Variants in PCDHGA12 observed in about 807,000 individuals in gnomAD.
PCDHGA12 encodes protocadherin gamma-A12.
PCDHGA12 carries 43 observed loss-of-function variants against 61.1 expected under a neutral mutation model. That is an observed-to-expected ratio of 0.70 (90% CI 0.55 to 0.91). The LOEUF is 0.91. Among genes scored for constraint, PCDHGA12 ranks in the 40% least tolerant of loss-of-function variants. The pLI, the probability that PCDHGA12 is intolerant of heterozygous loss-of-function variation, is 0.00. For missense variants in PCDHGA12, 1,236 were observed against 1,227.7 expected (o/e 1.01, Z -0.10); for synonymous variants, 520 against 542.9 (o/e 0.96, Z 0.59).
chr5:141,450,846 A>C (rs2098698903), intron 1 of PCDHGA12, among the ~76,000 whole-genome samples: 1 of 115,730 alleles, frequency 8.6e-6, no homozygotes. Context: ...TTTTTTTGAG[A>C]TGGGGTCTTG....
intron 1 of PCDHGA12, among the ~76,000 whole-genome samples, chr5:141,469,600 T>C (rs1276702104): frequency 6.6e-6 from 1 of 151,974 alleles, no homozygotes; most frequent in Non-Finnish European, 1.5e-5. Flanking sequence ...TAAAACAAAA[T>C]AAGTAAAATA....
At chr5:141,509,887 T>C (rs138950510) in intron 3 of PCDHGA12, among the ~76,000 whole-genome samples, 1 of 152,314 alleles carries the variant, frequency 6.6e-6, no homozygotes, top group East Asian at 1.9e-4. Flanking sequence ...TGATGGTGAC[T>C]GACTGTCCCT....
At chr5:141,448,415 T>C (rs1286455437) in intron 1 of PCDHGA12, among the ~76,000 whole-genome samples, 2 of 152,158 alleles carry the variant, frequency 1.3e-5, no homozygotes, top group African/African-American at 2.4e-5. Context: ...ATCAAAACAA[T>C]ATACTATGTA....
At chr5:141,495,286 A>T (rs1341490472) in intron 2 of PCDHGA12, among the ~76,000 whole-genome samples, 2 of 152,088 alleles carry the variant, frequency 1.3e-5, no homozygotes, top group Non-Finnish European at 2.9e-5. Context: ...GGCGGTCCGC[A>T]CTCAGCGCCT....
chr5:141,480,429 T>C (rs72790066), intron 1 of PCDHGA12, among the ~76,000 whole-genome samples: 4 of 151,864 alleles, frequency 2.6e-5, no homozygotes, highest in African/African-American at 9.7e-5. Flanking sequence ...AAAAAAATTA[T>C]CAGCTATTAC....
In PCDHGA12 at chr5:141,486,828, G is replaced by T. The variant is rs140257646; in HGVS notation, c.2425-7979G>T. ...CCCCTTAGCAGCACTGTAACAGTTC[G>T]TCTATTTGTGCTGGACCTCAATGAC... On this transcript the variant is annotated intron_variant, in intron 1 of 3. Coordinates refer to ENST00000252085, the MANE Select transcript of PCDHGA12 (RefSeq NM_003735.3). This position sits in a 1 kb window ranked among gnomAD's most constrained non-coding sequence, Gnocchi z 5.0. The T allele has an allele frequency of 8.7e-6, 14 of 1,614,218 alleles. No homozygotes were observed. The highest frequency in any genetic ancestry group is 1.2e-5 in the Non-Finnish European group (14 of 1,180,042).
chr5:141,446,639 G>T (rs1461520959), intron 1 of PCDHGA12, among the ~76,000 whole-genome samples: 7 of 152,116 alleles, frequency 4.6e-5, no homozygotes, highest in Non-Finnish European at 8.8e-5. Flanking sequence ...ACCACGCCTG[G>T]CTAATTTTTG....
chr5:141,468,832 C>G (rs530307522), intron 1 of PCDHGA12, among the ~76,000 whole-genome samples: 1 of 152,164 alleles, frequency 6.6e-6, no homozygotes, highest in South Asian at 2.1e-4. Flanking sequence ...AGCCACTGCA[C>G]TCCAGCCTGG....
At position 141,511,256 on chromosome 5, in the gene PCDHGA12, T is replaced by C. The variant is rs1003866304; in HGVS notation, c.*83T>C. On this transcript the variant is annotated 3_prime_UTR_variant, in exon 4 of 4. Transcript: ENST00000252085. ...CTTACCTGCACCCAGGCCTCAGAGT[T>C]TCAGGGCTAACCCCCAGAATACTGG... The C allele has an allele frequency of 1.9e-6, 3 of 1,563,388 alleles. No homozygotes were observed. The highest frequency in any genetic ancestry group is 2.7e-5 in the African/African-American group (2 of 73,508).
chr5:141,445,137 T>C (rs933188032), intron 1 of PCDHGA12, among the ~76,000 whole-genome samples: 9 of 152,248 alleles, frequency 5.9e-5, no homozygotes, highest in Admixed American at 3.3e-4. Context: ...AAATTGTATC[T>C]TCTAATTGTT....
chr5:141,439,459 A>T (rs558086952), intron 1 of PCDHGA12, among the ~76,000 whole-genome samples: 1 of 152,340 alleles, frequency 6.6e-6, no homozygotes, highest in African/African-American at 2.4e-5. Flanking sequence ...GCAAGACTGC[A>T]CTGCTGCCTT....
At chr5:141,501,869 C>G (rs1595765055) in intron 2 of PCDHGA12, among the ~76,000 whole-genome samples, 1 of 152,130 alleles carries the variant, frequency 6.6e-6, no homozygotes, top group Non-Finnish European at 1.5e-5. Context: ...CCCAGGACGC[C>G]TCCTTACACT....
At chr5:141,499,557 C>G (rs972965979) in intron 2 of PCDHGA12, among the ~76,000 whole-genome samples, 1 of 152,192 alleles carries the variant, frequency 6.6e-6, no homozygotes, top group African/African-American at 2.4e-5. Context: ...TATGATACCA[C>G]TATCCAGCTT....
At chr5:141,435,050 C>A (rs2154556494) in intron 1 of PCDHGA12, among the ~76,000 whole-genome samples, 1 of 151,994 alleles carries the variant, frequency 6.6e-6, no homozygotes, top group East Asian at 1.9e-4. Flanking sequence ...TCCCATTGAC[C>A]ATGCAGCAGT....
At chr5:141,478,497 C>T in intron 1 of PCDHGA12, 1 of 1,612,820 alleles carries the variant, frequency 6.2e-7, no homozygotes, top group Non-Finnish European at 8.5e-7. Context: ...AGCTGTGATC[C>T]GGTGTTCTAT....
At chr5:141,446,447 A>G (rs2098502204) in intron 1 of PCDHGA12, among the ~76,000 whole-genome samples, 1 of 151,946 alleles carries the variant, frequency 6.6e-6, no homozygotes, top group Non-Finnish European at 1.5e-5. Context: ...AACAGTGCAG[A>G]TATTCAGTGT....
Position 141,489,263 on chromosome 5 carries a change from A to G in PCDHGA12, c.2425-5544A>G. The G allele has an allele frequency of 6.4e-7, 1 of 1,552,104 alleles. No homozygotes were observed. Among genetic ancestry groups the G allele is most frequent in the South Asian group, 1.3e-5 (1 of 79,626 alleles). On this transcript the variant is annotated intron_variant, in intron 1 of 3. Transcript: ENST00000252085. This position sits in a 1 kb window ranked among gnomAD's most constrained non-coding sequence, Gnocchi z 4.5. ...GTCATGGGGCCCAAGACACTCCCAC[A>G]GCTCGCTGGGAAATGGCAAGTGCTG...
chr5:141,489,247 C>T lies in PCDHGA12; in HGVS notation c.2425-5560C>T. 6.5e-7 allele frequency: 1 copy of T among 1,546,012 alleles called. No individual in the cohort carries two copies. The highest frequency in any genetic ancestry group is 8.7e-7 in the Non-Finnish European group (1 of 1,146,298). ...ACAAAGGGACTTCTGGGTCATGGGGCCCAAGACACTCCCACAGCTCGCTGG... is the reference window on the plus strand; with the variant it reads ...ACAAAGGGACTTCTGGGTCATGGGGTCCAAGACACTCCCACAGCTCGCTGG... On this transcript the variant is annotated intron_variant, in intron 1 of 3. Coordinates refer to ENST00000252085, the MANE Select transcript of PCDHGA12 (RefSeq NM_003735.3). This position sits in a 1 kb window ranked among gnomAD's most constrained non-coding sequence, Gnocchi z 4.5.
At chr5:141,504,302 C>T (rs969760258) in intron 2 of PCDHGA12, among the ~76,000 whole-genome samples, 9 of 152,004 alleles carry the variant, frequency 5.9e-5, no homozygotes, top group African/African-American at 1.5e-4. Context: ...TTTCAACACT[C>T]GGAGTTTCTA....
Sources: allele counts gnomAD v4.1 joint callset (sites outside exome capture counted in the v4.1 genomes callset), GRCh38; gene constraint gnomAD v4.1.1; non-coding constraint Gnocchi (gnomAD v3.1); transcripts MANE v1.5; gene names NCBI Gene and HGNC (gene_info 2026-07-23, HGNC 2026-07-21).